The following SYT7 variants were observed in gnomAD, a reference collection of about 807,000 sequenced individuals.
The protein encoded by SYT7 is synaptotagmin-7.
Under a neutral mutation model 75.1 loss-of-function variants are expected in SYT7, and 29 were observed. That is an observed-to-expected ratio of 0.39 (90% confidence interval 0.29 to 0.53). The LOEUF (loss-of-function observed/expected upper bound fraction) is 0.53. Among genes scored for constraint, SYT7 ranks in the 20% least tolerant of loss-of-function variants. The probability of loss-of-function intolerance (pLI) is 0.77; values close to 1 mark genes in which losing one functional copy is unlikely to be tolerated. For synonymous variants in SYT7, 376 were observed against 401.7 expected, an observed-to-expected ratio of 0.94 and a Z score of 0.76; for missense variants, 693 against 953.2, an observed-to-expected ratio of 0.73 and a Z score of 3.59.
At position 61,546,225 on chromosome 11, in the gene SYT7, G is replaced by A. The variant is rs905278640; in HGVS notation, c.378C>T (p.Ala126=). The A allele has an allele frequency of 6.8e-6, 10 of 1,461,958 alleles. No homozygotes were observed. Among genetic ancestry groups the A allele is most frequent in the African/African-American group, 2.9e-5 (2 of 67,894 alleles). The allele number at this position is 1,461,958 out of a possible 1,614,324, so 90.6% of individuals were successfully genotyped here. A position where few individuals can be genotyped will look rare whatever the true frequency, so the allele number is the denominator to read the frequency against. The part of the protein sequence containing the change: ...NGTLLSGAKV[A]AAAGLAVERE... ...GCTCCACCGCCAGCCCCGCCGCGGCGGCCACTTTGGCGCCCGACAGGAGGG... is the reference window on the plus strand; with the variant it reads ...GCTCCACCGCCAGCCCCGCCGCGGCAGCCACTTTGGCGCCCGACAGGAGGG... The change falls in exon 5 of 13, where the codon GCC becomes GCT. Residue 126 remains alanine, a synonymous_variant. Transcript: ENST00000539008. This position sits in a 1 kb window ranked among gnomAD's most constrained non-coding sequence, Gnocchi z 7.6.
At chr11:61,547,609 G>A (rs1013888501) in intron 3 of SYT7, among the ~76,000 whole-genome samples, 2 of 151,816 alleles carry the variant, frequency 1.3e-5, no homozygotes, top group Non-Finnish European at 2.9e-5. Context: ...CTGGAGCCTC[G>A]CACCTGGGAA....
the SYT7 span, among the ~76,000 whole-genome samples, chr11:61,587,733 G>A: frequency 6.6e-6 from 1 of 152,216 alleles, no homozygotes; most frequent in African/African-American, 2.4e-5. Context: ...AGCGACGGGC[G>A]CCCCCAACAT....
rs146846407 is a variant in SYT7, at chr11:61,547,037, G to T, written c.347+140C>A. The T allele has an allele frequency of 2.0e-3, 2,220 of 1,109,758 alleles. 28 individuals are homozygous for T. In the African/African-American group the frequency reaches 0.03, roughly 15 times the overall value. The allele number at this position is 1,109,758 out of a possible 1,614,324, so 68.7% of individuals were successfully genotyped here. A position where few individuals can be genotyped will look rare whatever the true frequency, so the allele number is the denominator to read the frequency against. ...TCCATGGTCGGCCTGCCCATGGGGT[G>T]GATGGGTGGGGAAGTTGGGGGACAG... is the stretch of plus-strand genomic sequence containing the variant. On this transcript the variant is annotated intron_variant, in intron 4 of 12. Transcript: ENST00000539008.
upstream of SYT7, among the ~76,000 whole-genome samples, chr11:61,582,806 G>T (rs140794935): frequency 1.1e-3 from 162 of 152,226 alleles, no homozygotes; most frequent in Non-Finnish European, 1.7e-3. Flanking sequence ...GAACCCAGGA[G>T]TTATCTACAC....
chr11:61,528,210 G>C (rs754037856), intron 8 of SYT7, 25 bp from the exon 9 acceptor site: 35 of 1,604,780 alleles, frequency 2.2e-5, no homozygotes, highest in South Asian at 3.3e-5. Flanking sequence ...GAGGCCGGCA[G>C]GGTTTGGGGA....
upstream of SYT7, among the ~76,000 whole-genome samples, chr11:61,583,084 C>T (rs905512194): frequency 6.6e-6 from 1 of 152,012 alleles, no homozygotes; most frequent in African/African-American, 2.4e-5. Context: ...AAAATTAGCC[C>T]AGTGTAGTGG....
intron 9 of SYT7, among the ~76,000 whole-genome samples, chr11:61,525,473 C>T (rs996453125): frequency 6.6e-6 from 1 of 152,146 alleles, no homozygotes; most frequent in Non-Finnish European, 1.5e-5. Flanking sequence ...CAGGGCCGGG[C>T]GCACACTGGC....
chr11:61,553,061 T>A lies in SYT7; in HGVS notation c.136-1598A>T, dbSNP rs2063397862. 6.6e-6 allele frequency among the ~76,000 whole-genome samples: 1 copy of A among 151,706 alleles called. No homozygotes were observed. The highest frequency in any genetic ancestry group is 6.6e-5 in the Admixed American group (1 of 15,254). ...TTCTATGGCCCCGCCCACCCTGGAG[T>A]CTGGGCCCCCAGCAGCGACCTCTAA... On this transcript the variant is annotated intron_variant, in intron 2 of 12. Coordinates refer to ENST00000539008, the MANE Select transcript of SYT7 (RefSeq NM_001365809.2). This position sits in a 1 kb window ranked among gnomAD's most constrained non-coding sequence, Gnocchi z 5.2.
intron 1 of SYT7, among the ~76,000 whole-genome samples, chr11:61,579,694 T>G (rs2064189874): frequency 6.6e-6 from 1 of 152,204 alleles, no homozygotes; most frequent in Admixed American, 6.5e-5. Flanking sequence ...TGCAGGGTCT[T>G]AGAGCCCTTC....
In SYT7 at chr11:61,546,200, G is replaced by A. The variant is rs1036643448; in HGVS notation, c.403C>T (p.Arg135Trp). The change falls in exon 5 of 13, where the codon CGG (arginine) becomes TGG (tryptophan). Residue 135 changes from arginine to tryptophan, a missense_variant. Transcript: ENST00000539008. The surrounding 1 kb of genome is among the most constrained non-coding windows in gnomAD (Gnocchi z 7.6). Reference sequence around the variant, plus strand: ...GGCTTCTCCCCCAGCCGGCCTTCCCGCTCCACCGCCAGCCCCGCCGCGGCG... The same window carrying A: ...GGCTTCTCCCCCAGCCGGCCTTCCCACTCCACCGCCAGCCCCGCCGCGGCG... ...VAAAAGLAVE[R>W]EGRLGEKPAP... 8 of 1,510,564 alleles carry A rather than the reference G, an allele frequency of 5.3e-6. No individual in the cohort carries two copies. The highest frequency in any genetic ancestry group is 1.2e-5 in the South Asian group (1 of 81,180). The allele number at this position is 1,510,564 out of a possible 1,614,324, so 93.6% of individuals were successfully genotyped here. A position where few individuals can be genotyped will look rare whatever the true frequency, so the allele number is the denominator to read the frequency against.
At chr11:61,545,459 G>A (rs1021851233) in intron 5 of SYT7, among the ~76,000 whole-genome samples, 1 of 152,246 alleles carries the variant, frequency 6.6e-6, no homozygotes, top group East Asian at 1.9e-4. Flanking sequence ...GGCAGCCTGC[G>A]GCTGCTCGTG....
chr11:61,544,296 T>C (rs2063124712), intron 5 of SYT7, among the ~76,000 whole-genome samples: 1 of 152,072 alleles, frequency 6.6e-6, no homozygotes, highest in East Asian at 1.9e-4. Flanking sequence ...GCTCACCCTC[T>C]GAGCCTACCC....
At chr11:61,540,478 T>C (rs1253233143) in intron 6 of SYT7, 1 of 975,210 alleles carries the variant, frequency 1.0e-6, no homozygotes, top group Non-Finnish European at 1.2e-6. Context: ...CCTAAATTAT[T>C]ATCTGGACCT....
In SYT7 at chr11:61,553,881, G is replaced by A. The variant is rs2063419783; in HGVS notation, c.135+2223C>T. Among the ~76,000 whole-genome samples, 1 of 152,204 alleles carries A rather than the reference G, an allele frequency of 6.6e-6. No homozygotes were observed. Among genetic ancestry groups the A allele is most frequent in the Non-Finnish European group, 1.5e-5 (1 of 68,038 alleles). On this transcript the variant is annotated intron_variant, in intron 2 of 12. Coordinates refer to ENST00000539008, the MANE Select transcript of SYT7 (RefSeq NM_001365809.2). This position sits in a 1 kb window ranked among gnomAD's most constrained non-coding sequence, Gnocchi z 5.2. Reference sequence around the variant, plus strand: ...GAGAGCCCAACAACTGTGTGTGTTGGGGGAGGGGACAGCGTTTTAAAGTCC... The same window carrying A: ...GAGAGCCCAACAACTGTGTGTGTTGAGGGAGGGGACAGCGTTTTAAAGTCC...
In SYT7 at chr11:61,580,724, C is replaced by T; in HGVS notation, c.31+66G>A. ...GCCCCAGGCTGGGGCTCCGAGACGGCGTCCGGCGCTGCCGCTGTCCTGCCC... is the reference window on the plus strand; with the variant it reads ...GCCCCAGGCTGGGGCTCCGAGACGGTGTCCGGCGCTGCCGCTGTCCTGCCC... On this transcript the variant is annotated intron_variant, in intron 1 of 12. Transcript: ENST00000539008. This position sits in a 1 kb window ranked among gnomAD's most constrained non-coding sequence, Gnocchi z 6.1. 9.2e-7 allele frequency: 1 copy of T among 1,088,412 alleles called. No individual in the cohort carries two copies. Among genetic ancestry groups the T allele is most frequent in the Non-Finnish European group, 1.2e-6 (1 of 862,622 alleles). 67.4% of individuals were successfully genotyped at this position (1,088,412 alleles called of 1,614,324 possible).
rs568429145 is a variant in SYT7, at chr11:61,580,635, G to A, written c.31+155C>T. Among the ~76,000 whole-genome samples, 117 of 152,084 alleles carry A rather than the reference G, an allele frequency of 7.7e-4. No homozygotes were observed. The highest frequency in any genetic ancestry group is 2.1e-3 in the South Asian group (10 of 4,824). On this transcript the variant is annotated intron_variant, in intron 1 of 12. Coordinates refer to ENST00000539008, the MANE Select transcript of SYT7 (RefSeq NM_001365809.2). The surrounding 1 kb of genome is among the most constrained non-coding windows in gnomAD (Gnocchi z 6.1). ...ACCGGGGTCCGAGCCGCTGCCGCTCGATCCCGCGCCCCCGGGGCTGGGATG... is the reference window on the plus strand; with the variant it reads ...ACCGGGGTCCGAGCCGCTGCCGCTCAATCCCGCGCCCCCGGGGCTGGGATG...
In SYT7 at chr11:61,524,477, A is replaced by G. The variant is rs114499471; in HGVS notation, c.1527T>C (p.Tyr509=). 9.3e-4 allele frequency: 1,504 copies of G among 1,612,932 alleles called. 10 individuals are homozygous for G. In the African/African-American group the frequency reaches 0.017, roughly 18 times the overall value. ...QRILYLQVLD[Y]DRFSRNDPIG... The stretch of plus-strand genomic sequence containing the variant: ...TGGGGTCGTTGCGGCTGAAGCGGTC[A>G]TAGTCCAGGACTTGGAGGTAGAGGA... The change falls in exon 10 of 13, where the codon TAT becomes TAC. Residue 509 remains tyrosine (Y), a synonymous_variant. Transcript: ENST00000539008. The surrounding 1 kb of genome is among the most constrained non-coding windows in gnomAD (Gnocchi z 4.1).
intron 8 of SYT7, among the ~76,000 whole-genome samples, chr11:61,528,914 G>A (rs2062615284): frequency 6.6e-6 from 1 of 152,148 alleles, no homozygotes; most frequent in South Asian, 2.1e-4. Context: ...GGGAGGGAGG[G>A]CGCATGGCCT....
In SYT7 at chr11:61,580,738, G is replaced by A; in HGVS notation, c.31+52C>T. ...CTCCGAGACGGCGTCCGGCGCTGCC[G>A]CTGTCCTGCCCGCCGGTGCGGGGCG... On this transcript the variant is annotated intron_variant, in intron 1 of 12. Transcript: ENST00000539008. The surrounding 1 kb of genome is among the most constrained non-coding windows in gnomAD (Gnocchi z 6.1). 1.7e-6 allele frequency: 2 copies of A among 1,170,480 alleles called. No homozygotes were observed. The highest frequency in any genetic ancestry group is 2.1e-6 in the Non-Finnish European group (2 of 934,814). 72.5% of individuals were successfully genotyped at this position (1,170,480 alleles called of 1,614,324 possible).
Sources: allele counts gnomAD v4.1 joint callset (sites outside exome capture counted in the v4.1 genomes callset), GRCh38; gene constraint gnomAD v4.1.1; non-coding constraint Gnocchi (gnomAD v3.1); transcripts MANE v1.5; gene names NCBI Gene and HGNC (gene_info 2026-07-23, HGNC 2026-07-21).